Variants in DOCK3 observed in about 807,000 individuals in gnomAD.
The protein encoded by DOCK3 is dedicator of cytokinesis 3.
In DOCK3, 60 loss-of-function variants were observed where a neutral mutation model predicts 265.6. The ratio of observed to expected loss-of-function variants is 0.23; its 90% CI spans 0.18 to 0.28. The LOEUF is 0.28. Ranked by LOEUF, DOCK3 falls within the 10% of genes least tolerant of loss-of-function variation. The pLI is 1.00. For synonymous variants in DOCK3, 881 were observed against 938.0 expected, an observed-to-expected ratio of 0.94 and a Z score of 1.11; for missense variants, 1,981 against 2,594.3, an observed-to-expected ratio of 0.76 and a Z score of 5.14.
rs2079782989 is a variant in DOCK3, at chr3:51,260,311, A to G, written c.2340A>G (p.Thr780=). Residue 780 remains threonine, a synonymous_variant, in exon 23 of 53, where the codon ACA becomes ACG. Coordinates refer to ENST00000266037, the MANE Select transcript of DOCK3 (RefSeq NM_004947.5). ...GTCTGGACAGCCGAAACTCAGAAACACTCCTTTTTACTCAGGTTCGCACAC... is the reference window on the plus strand; with the variant it reads ...GTCTGGACAGCCGAAACTCAGAAACGCTCCTTTTTACTCAGGTTCGCACAC... The part of the protein sequence containing the change: ...VLSLDSRNSE[T]LLFTQAALLN... 3 of 1,612,704 alleles carry G rather than the reference A, an allele frequency of 1.9e-6. No individual in the cohort carries two copies. The highest frequency in any genetic ancestry group is 2.5e-6 in the Non-Finnish European group (3 of 1,179,494).
At chr3:50,794,667 C>A (rs1005452384) in intron 2 of DOCK3, among the ~76,000 whole-genome samples, 1 of 152,086 alleles carries the variant, frequency 6.6e-6, no homozygotes, top group African/African-American at 2.4e-5. Flanking sequence ...ATTAATGGGT[C>A]TTGGTTCTTT....
Position 50,746,297 on chromosome 3 carries a change from G to A in DOCK3, c.38-32378G>A, listed in dbSNP as rs543922020. Among the ~76,000 whole-genome samples, 5 of 151,890 alleles carry A rather than the reference G, an allele frequency of 3.3e-5. No homozygotes were observed. The East Asian group carries it at 9.7e-4, about 29-fold the overall frequency. On this transcript the variant is annotated intron_variant, in intron 1 of 52. Coordinates refer to ENST00000266037, the MANE Select transcript of DOCK3 (RefSeq NM_004947.5). ...AATTTTTGTATTTTTAGTAGAGATG[G>A]GGTTTCACCATGTTGACCAGGCTGG...
chr3:51,361,076 T>C lies in DOCK3; in HGVS notation c.5006+444T>C, dbSNP rs977454564. On this transcript the variant is annotated intron_variant, in intron 47 of 52. Transcript: ENST00000266037. This position sits in a 1 kb window ranked among gnomAD's most constrained non-coding sequence, Gnocchi z 4.2. Reference sequence around the variant, plus strand: ...GAGTGGGCCTTGTTCATGCAGGCCTTTGGACTTGATCCCAAGGAGAATGAG... The same window carrying C: ...GAGTGGGCCTTGTTCATGCAGGCCTCTGGACTTGATCCCAAGGAGAATGAG... 3.9e-5 allele frequency among the ~76,000 whole-genome samples: 6 copies of C among 152,108 alleles called. No homozygotes were observed. The highest frequency in any genetic ancestry group is 1.4e-4 in the African/African-American group (6 of 41,386).
chr3:51,218,335 G>C (rs1280319885), intron 14 of DOCK3, among the ~76,000 whole-genome samples: 1 of 152,104 alleles, frequency 6.6e-6, no homozygotes, highest in Non-Finnish European at 1.5e-5. Flanking sequence ...TCAGGAGGCT[G>C]AGGCATGAGA....
At chr3:50,911,138 A>G (rs1006912086) in intron 4 of DOCK3, among the ~76,000 whole-genome samples, 1 of 151,746 alleles carries the variant, frequency 6.6e-6, no homozygotes, top group Non-Finnish European at 1.5e-5. Context: ...TTGCCTCTTT[A>G]TCCGTGCAGA....
chr3:50,847,412 A>G lies in DOCK3; in HGVS notation c.162+5697A>G, dbSNP rs548526501. ...TTGAGCATGTGGTCAATCTTGGAAT[A>G]TGTTCTGATTCCATTCTCTTCTGTA... is the stretch of plus-strand genomic sequence containing the variant. On this transcript the variant is annotated intron_variant, in intron 3 of 52. Coordinates refer to ENST00000266037, the MANE Select transcript of DOCK3 (RefSeq NM_004947.5). Among the ~76,000 whole-genome samples, 7 of 152,288 alleles carry G rather than the reference A, an allele frequency of 4.6e-5. No individual in the cohort carries two copies. In the South Asian group the frequency reaches 1.2e-3, roughly 27 times the overall value.
At chr3:50,872,012 C>A (rs1455997605) in intron 3 of DOCK3, among the ~76,000 whole-genome samples, 2 of 152,220 alleles carry the variant, frequency 1.3e-5, no homozygotes, top group Non-Finnish European at 2.9e-5. Flanking sequence ...GATCATATAT[C>A]TCTGTTTCTC....
At chr3:50,791,333 G>A (rs965701856) in intron 2 of DOCK3, among the ~76,000 whole-genome samples, 20 of 145,784 alleles carry the variant, frequency 1.4e-4, no homozygotes, top group Admixed American at 4.4e-4. Flanking sequence ...GTGCCATCTC[G>A]GCTCACTGCA....
intron 5 of DOCK3, among the ~76,000 whole-genome samples, chr3:51,025,568 T>C (rs1385162448): frequency 6.6e-6 from 1 of 152,172 alleles, no homozygotes; most frequent in African/African-American, 2.4e-5. Flanking sequence ...GTGCCCAGCT[T>C]CTGCACTCCT....
chr3:50,988,271 C>G (rs1337593085), intron 5 of DOCK3, among the ~76,000 whole-genome samples: 1 of 151,980 alleles, frequency 6.6e-6, no homozygotes, highest in Non-Finnish European at 1.5e-5. Context: ...AAAATGTTGC[C>G]ACACTGCTGC....
At chr3:51,192,406 A>C (rs1560186496) in intron 12 of DOCK3, among the ~76,000 whole-genome samples, 2 of 151,956 alleles carry the variant, frequency 1.3e-5, no homozygotes, top group Non-Finnish European at 2.9e-5. Flanking sequence ...AAAAAAAGAA[A>C]ACTAACAGGT....
intron 13 of DOCK3, 32 bp from the exon 14 acceptor site, chr3:51,214,090 G>A: frequency 6.2e-7 from 1 of 1,612,512 alleles, no homozygotes; most frequent in Non-Finnish European, 8.5e-7. Flanking sequence ...GGGTAGAACT[G>A]TGGTTCTAAG....
At chr3:51,087,870 C>T (rs2082488054) in intron 7 of DOCK3, among the ~76,000 whole-genome samples, 3 of 152,054 alleles carry the variant, frequency 2.0e-5, no homozygotes, top group African/African-American at 7.2e-5. Context: ...ACAGAACCAC[C>T]ATTTGATCCA....
intron 5 of DOCK3, among the ~76,000 whole-genome samples, chr3:50,951,672 G>A (rs2076595329): frequency 6.6e-6 from 1 of 151,910 alleles, no homozygotes; most frequent in African/African-American, 2.4e-5. Flanking sequence ...GACTGTTTTG[G>A]GTTGTCAGTT....
intron 5 of DOCK3, among the ~76,000 whole-genome samples, chr3:51,053,484 A>G (rs2081083757): frequency 1.4e-5 from 2 of 147,466 alleles, no homozygotes; most frequent in Non-Finnish European, 3.0e-5. Flanking sequence ...GTGCAGTGGC[A>G]TGATCTCGCT....
Position 51,225,757 on chromosome 3 carries a change from A to G in DOCK3, c.1361A>G (p.Asp454Gly). The change falls in exon 15 of 53, where the codon GAT (aspartate) becomes GGT (glycine). Residue 454 changes from aspartate to glycine, a missense_variant. This residue lies in a region of DOCK3 where 19 missense variants were observed against 43.8 expected (regional missense o/e 0.43). Transcript: ENST00000266037. ...GTGACCATGTATGTGCTTTATGCAG[A>G]TGGAGAAATCTTGAAGGTAAGGCTT... ...IEVTMYVLYA[D>G]GEILKDCISL... The G allele has an allele frequency of 6.2e-7, 1 of 1,612,216 alleles. No homozygotes were observed. Among genetic ancestry groups the G allele is most frequent in the East Asian group, 2.2e-5 (1 of 44,818 alleles).
At chr3:51,229,953 G>A (rs1403555918) in intron 19 of DOCK3, among the ~76,000 whole-genome samples, 1 of 152,066 alleles carries the variant, frequency 6.6e-6, no homozygotes, top group Non-Finnish European at 1.5e-5. Flanking sequence ...TCAGTTTTTT[G>A]TATTCCGCAT....
intron 28 of DOCK3, among the ~76,000 whole-genome samples, chr3:51,310,587 C>T (rs1286612179): frequency 4.6e-5 from 7 of 152,224 alleles, no homozygotes; most frequent in Non-Finnish European, 1.0e-4. Context: ...CAGTGGCCCA[C>T]TGGCCTCTGC....
intron 6 of DOCK3, among the ~76,000 whole-genome samples, chr3:51,067,815 C>A (rs2081660006): frequency 6.6e-6 from 1 of 152,084 alleles, no homozygotes; most frequent in African/African-American, 2.4e-5. Flanking sequence ...ACTTTTCTTC[C>A]TATTTTGAAA....
Sources: allele counts gnomAD v4.1 joint callset (sites outside exome capture counted in the v4.1 genomes callset), GRCh38; gene constraint gnomAD v4.1.1; regional missense constraint gnomAD v4.1.1; non-coding constraint Gnocchi (gnomAD v3.1); transcripts MANE v1.5; gene names NCBI Gene and HGNC (gene_info 2026-07-23, HGNC 2026-07-21).